FARP2: variants seen among roughly 807,000 people sequenced by gnomAD.
FARP2 encodes the protein FERM, ARH/RhoGEF and pleckstrin domain protein 2.
Under a neutral mutation model 130.5 loss-of-function variants are expected in FARP2, and 111 were observed. The ratio of observed to expected loss-of-function variants is 0.85; its 90% CI spans 0.73 to 1.00. The LOEUF (loss-of-function observed/expected upper bound fraction) is 1.00, where lower values mean the gene tolerates loss of function less well. FARP2 is among the 50% of genes least tolerant of loss of function. The pLI, the probability that FARP2 is intolerant of heterozygous loss-of-function variation, is 0.00. For synonymous variants in FARP2, 504 were observed against 516.9 expected, an observed-to-expected ratio of 0.98 and a Z score of 0.34; for missense variants, 1,385 against 1,346.3, an observed-to-expected ratio of 1.03 and a Z score of -0.45.
chr2:241,493,303 C>T lies in FARP2; in HGVS notation c.2906C>T (p.Pro969Leu), dbSNP rs1574924873. The change falls in exon 26 of 27, where the codon CCA (proline) becomes CTA (leucine). Residue 969 changes from proline (P) to leucine (L), a missense_variant. Coordinates refer to ENST00000264042, the MANE Select transcript of FARP2 (RefSeq NM_014808.4). Reference protein sequence around the residue: ...FFYKTHQDDYPLASLPLLGYS... With the variant: ...FFYKTHQDDYLLASLPLLGYS... ...TATGCTGTCTTGCAGGATGACTACC[C>T]ACTGGCCAGCCTCCCGCTGCTGGGC... The T allele has an allele frequency of 6.2e-7, 1 of 1,613,790 alleles. No homozygotes were observed. The highest frequency in any genetic ancestry group is 8.5e-7 in the Non-Finnish European group (1 of 1,179,968).
chr2:241,490,122 C>T (rs1574916428), intron 22 of FARP2, 78 bp downstream of exon 22: 1 of 1,034,422 alleles, frequency 9.7e-7, no homozygotes, highest in East Asian at 2.4e-5. Context: ...GCCTCTGAGT[C>T]CTCTGAGCTG....
chr2:241,492,010 T>G (rs1268981203), intron 24 of FARP2, among the ~76,000 whole-genome samples: 2 of 152,140 alleles, frequency 1.3e-5, no homozygotes, highest in Non-Finnish European at 2.9e-5. Flanking sequence ...TCCAAAACCC[T>G]TCACCTCGGG....
chr2:241,469,284 A>G (rs2064250743), intron 18 of FARP2, among the ~76,000 whole-genome samples: 1 of 151,946 alleles, frequency 6.6e-6, no homozygotes, highest in South Asian at 2.1e-4. Context: ...ATAGGGTTTC[A>G]CCGTGTTGGC....
intron 2 of FARP2, among the ~76,000 whole-genome samples, chr2:241,376,411 C>G (rs2061537027): frequency 6.6e-6 from 1 of 152,236 alleles, no homozygotes; most frequent in Non-Finnish European, 1.5e-5. Context: ...GTAATCTACC[C>G]TGACAAATAT....
At chr2:241,373,377 T>C in intron 2 of FARP2, 87 bp downstream of exon 2, 1 of 931,610 alleles carries the variant, frequency 1.1e-6, no homozygotes, top group Non-Finnish European at 1.4e-6. Context: ...TGGTTAGACT[T>C]TGCATATTAA....
chr2:241,440,588 A>T (rs1472841981), intron 12 of FARP2, among the ~76,000 whole-genome samples: 1 of 152,182 alleles, frequency 6.6e-6, no homozygotes, highest in Non-Finnish European at 1.5e-5. Flanking sequence ...CATCCTAGGC[A>T]GTGACCCTCA....
chr2:241,410,823 G>A, intron 5 of FARP2: 2 of 523,450 alleles, frequency 3.8e-6, no homozygotes, highest in Non-Finnish European at 7.0e-6. Context: ...CTGCTGAGTT[G>A]GTTTATCATC....
chr2:241,434,027 C>T, intron 9 of FARP2, 131 bp from the exon 10 acceptor site: 3 of 713,930 alleles, frequency 4.2e-6, no homozygotes, highest in Non-Finnish European at 7.0e-6. Flanking sequence ...AGAGCAAGAT[C>T]CTGTCTCAAA....
intron 18 of FARP2, among the ~76,000 whole-genome samples, chr2:241,469,891 G>T (rs947702456): frequency 6.6e-6 from 1 of 152,212 alleles, no homozygotes; most frequent in African/African-American, 2.4e-5. Context: ...CAAAACCTCT[G>T]TGAAGCTGTT....
intron 5 of FARP2, among the ~76,000 whole-genome samples, chr2:241,409,414 G>A (rs1463281514): frequency 6.6e-6 from 1 of 152,044 alleles, no homozygotes; most frequent in Non-Finnish European, 1.5e-5. Context: ...GCCAGGCATG[G>A]TGGCATGCAC....
chr2:241,387,951 A>G (rs989040199), intron 2 of FARP2, among the ~76,000 whole-genome samples: 2 of 152,208 alleles, frequency 1.3e-5, no homozygotes, highest in African/African-American at 4.8e-5. Flanking sequence ...TTGAAAGACA[A>G]TGTTCATGGA....
chr2:241,361,315 A>G (rs1365730889), intron 1 of FARP2, among the ~76,000 whole-genome samples: 5 of 152,216 alleles, frequency 3.3e-5, no homozygotes, highest in African/African-American at 1.2e-4. Context: ...TAGTATTTCT[A>G]GAAGGAATAC....
Position 241,404,802 on chromosome 2 carries a change from T to G in FARP2, c.292T>G (p.Trp98Gly), listed in dbSNP as rs376215581. The stretch of plus-strand genomic sequence containing the variant: ...TCTTCTGTTAACTCTTCTTTAGATT[T>G]GGCTTGAACCTATGAAACCCATCAT... ...EFQNTQSYWI[W>G]LEPMKPIIRQ... is the part of the protein sequence containing the mutation. The change falls in exon 4 of 27, where the codon TGG becomes GGG. Residue 98 changes from tryptophan (W) to glycine (G), a missense_variant. Trp to Gly is a radical substitution (Grantham distance 184). Transcript: ENST00000264042. 103 of 1,605,524 alleles carry G rather than the reference T, an allele frequency of 6.4e-5. No homozygotes were observed. The highest frequency in any genetic ancestry group is 7.8e-5 in the Non-Finnish European group (91 of 1,172,598).
chr2:241,439,871 T>G (rs1030245164), intron 12 of FARP2, among the ~76,000 whole-genome samples: 2 of 152,074 alleles, frequency 1.3e-5, no homozygotes, highest in African/African-American at 4.8e-5. Flanking sequence ...GACCGGAGAA[T>G]TGCTTGAACC....
chr2:241,483,836 G>A (rs757564675), intron 20 of FARP2: 80 of 985,358 alleles, frequency 8.1e-5, no homozygotes, highest in Non-Finnish European at 9.5e-5. Context: ...ACATGTGGCT[G>A]CAAGAAGGTG....
intron 2 of FARP2, among the ~76,000 whole-genome samples, chr2:241,383,862 G>A (rs940965848): frequency 1.3e-5 from 2 of 152,068 alleles, no homozygotes; most frequent in Non-Finnish European, 2.9e-5. Context: ...GAGTCGAAGA[G>A]GCTCATTAGG....
chr2:241,417,872 G>A, intron 7 of FARP2, 90 bp from the exon 8 acceptor site: 1 of 1,416,602 alleles, frequency 7.1e-7, no homozygotes, highest in South Asian at 1.3e-5. Flanking sequence ...AGCCTTCATT[G>A]TTGGTTTTCC....
chr2:241,489,394 G>T (rs4675945), intron 21 of FARP2: 56,916 of 152,222 alleles, frequency 0.37, 10,895 homozygotes, highest in Admixed American at 0.52. Context: ...TGTAGAGAAT[G>T]GATTTCCCTT....
At chr2:241,420,496 T>C (rs555853411) in intron 8 of FARP2, among the ~76,000 whole-genome samples, 3 of 152,226 alleles carry the variant, frequency 2.0e-5, no homozygotes, top group African/African-American at 7.2e-5. Context: ...ATTTGAGCCT[T>C]GTGAATGTAT....
Sources: gnomAD v4.1 joint callset for allele counts (sites outside exome capture counted in the v4.1 genomes callset) on GRCh38, gnomAD v4.1.1 for gene constraint, MANE v1.5 for transcripts, NCBI Gene and HGNC (gene_info 2026-07-23, HGNC 2026-07-21) for gene names.